Variants in THAP4 observed in about 807,000 individuals in gnomAD.
The protein encoded by THAP4 is peroxynitrite isomerase THAP4.
THAP4 carries 18 observed loss-of-function variants against 48.1 expected under a neutral mutation model. The ratio of observed to expected loss-of-function variants is 0.37; its 90% CI spans 0.26 to 0.56. The LOEUF (loss-of-function observed/expected upper bound fraction) is 0.56. Ranked by LOEUF, THAP4 falls within the 20% of genes least tolerant of loss-of-function variation. The probability of loss-of-function intolerance (pLI) is 0.78; values close to 1 mark genes in which losing one functional copy is unlikely to be tolerated. For missense variants in THAP4, 656 were observed against 774.9 expected (o/e 0.85, Z 1.82); for synonymous variants, 345 against 324.9 (o/e 1.06, Z -0.66).
In THAP4 at chr2:241,633,148, C is replaced by T; in HGVS notation, c.1009G>A (p.Gly337Arg). ...AGTGAGTCGATGAGCTTGCAGGCCCCTGACGCCGACAGGATGACCTCGTTG... is the reference window on the plus strand; with the variant it reads ...AGTGAGTCGATGAGCTTGCAGGCCCTTGACGCCGACAGGATGACCTCGTTG... Reference protein sequence around the residue: ...SINEVILSASGACKLIDSLHS... With the variant: ...SINEVILSASRACKLIDSLHS... Residue 337 changes from glycine to arginine, a missense_variant, in exon 2 of 6, where the codon GGG (glycine) becomes AGG (arginine). By Grantham distance (125) the Gly-to-Arg change is moderately radical. Coordinates refer to ENST00000407315, the MANE Select transcript of THAP4 (RefSeq NM_015963.6). This position sits in a 1 kb window ranked among gnomAD's most constrained non-coding sequence, Gnocchi z 7.5. 1 of 1,610,110 alleles carries T rather than the reference C, an allele frequency of 6.2e-7. No individual in the cohort carries two copies. Among genetic ancestry groups the T allele is most frequent in the Non-Finnish European group, 8.5e-7 (1 of 1,177,582 alleles).
intron 5 of THAP4, among the ~76,000 whole-genome samples, chr2:241,599,795 G>A (rs2067090836): frequency 6.6e-6 from 1 of 152,160 alleles, no homozygotes; most frequent in African/African-American, 2.4e-5. Context: ...AAATGCTTAA[G>A]AATGAGTAAG....
At chr2:241,595,183 T>C (rs1660794083) in intron 5 of THAP4, among the ~76,000 whole-genome samples, 2 of 152,172 alleles carry the variant, frequency 1.3e-5, no homozygotes, top group Admixed American at 6.5e-5. Context: ...TGGCTAATTT[T>C]TTTGTATTCT....
intron 2 of THAP4, among the ~76,000 whole-genome samples, chr2:241,615,630 C>T (rs1363398793): frequency 6.6e-6 from 1 of 152,216 alleles, no homozygotes; most frequent in Non-Finnish European, 1.5e-5. Flanking sequence ...AATTTCTAAA[C>T]ATCTGTTCAA....
At chr2:241,595,304 C>T (rs1280907853) in intron 5 of THAP4, among the ~76,000 whole-genome samples, 4 of 152,264 alleles carry the variant, frequency 2.6e-5, no homozygotes, top group East Asian at 1.9e-4. Context: ...CGTGAGCCAC[C>T]GCACTCAGCC....
chr2:241,634,646 T>G (rs990736176), intron 1 of THAP4, among the ~76,000 whole-genome samples: 1 of 152,190 alleles, frequency 6.6e-6, no homozygotes, highest in African/African-American at 2.4e-5. Flanking sequence ...GGAGTAAAAA[T>G]GCTCCTTTTA....
intron 1 of THAP4, among the ~76,000 whole-genome samples, chr2:241,636,113 T>G (rs1187400891): frequency 6.6e-6 from 1 of 152,210 alleles, no homozygotes; most frequent in Admixed American, 6.5e-5. Flanking sequence ...GGCTGACTTG[T>G]GAAATAATCT....
At chr2:241,632,452 T>A (rs1575040678) in intron 2 of THAP4, among the ~76,000 whole-genome samples, 1 of 152,320 alleles carries the variant, frequency 6.6e-6, no homozygotes, top group East Asian at 1.9e-4. Context: ...ATGTTCATGA[T>A]GATTTAACTT....
intron 1 of THAP4, among the ~76,000 whole-genome samples, chr2:241,636,426 C>T (rs374266678): frequency 1.1e-4 from 16 of 152,306 alleles, no homozygotes; most frequent in Admixed American, 3.3e-4. Context: ...GGGCCAGGCT[C>T]TAAGGGAGCG....
At chr2:241,627,520 T>TGG (rs1295324316) in intron 2 of THAP4, among the ~76,000 whole-genome samples, 1 of 152,212 alleles carries the variant, frequency 6.6e-6, no homozygotes, top group African/African-American at 2.4e-5. Context: ...GCACTGCCTC[T>TGG]GGAGCGTGGC....
At chr2:241,604,980 A>G (rs1025866097) in intron 3 of THAP4, among the ~76,000 whole-genome samples, 1 of 152,216 alleles carries the variant, frequency 6.6e-6, no homozygotes, top group Non-Finnish European at 1.5e-5. Context: ...ACAAACACAC[A>G]TACCATCACA....
chr2:241,635,031 C>T (rs1331987623), intron 1 of THAP4, among the ~76,000 whole-genome samples: 2 of 152,196 alleles, frequency 1.3e-5, no homozygotes, highest in African/African-American at 2.4e-5. Context: ...CCAGAGATTC[C>T]GCTTTACAAA....
At chr2:241,632,414 A>T (rs2067576874) in intron 2 of THAP4, among the ~76,000 whole-genome samples, 1 of 152,038 alleles carries the variant, frequency 6.6e-6, no homozygotes, top group Non-Finnish European at 1.5e-5. Flanking sequence ...CAGATGTTTT[A>T]ATTGAATAGA....
At chr2:241,637,163 G>A (rs2067685643), upstream of THAP4, 2 of 989,092 alleles carry the variant, frequency 2.0e-6, no homozygotes, top group Non-Finnish European at 2.4e-6. Flanking sequence ...CAAGATGGAG[G>A]CGCAGGCGCC....
chr2:241,637,551 G>A (rs945393480), upstream of THAP4: 6 of 1,474,680 alleles, frequency 4.1e-6, no homozygotes, highest in African/African-American at 8.9e-5. Context: ...CGGCCCGGCC[G>A]TACGCCAAAA....
chr2:241,625,154 G>GC (rs1448432157), intron 2 of THAP4, among the ~76,000 whole-genome samples: 1 of 151,996 alleles, frequency 6.6e-6, no homozygotes, highest in Admixed American at 6.6e-5. Flanking sequence ...GTCCAGCAGG[G>GC]CCCTAATACC....
At chr2:241,588,128 A>C (rs989914393) in intron 5 of THAP4, among the ~76,000 whole-genome samples, 1 of 152,218 alleles carries the variant, frequency 6.6e-6, no homozygotes, top group African/African-American at 2.4e-5. Context: ...TACGAGATCA[A>C]TATACAACAG....
In THAP4 at chr2:241,594,082, C is replaced by G. The variant is rs181874116; in HGVS notation, c.1614+7814G>C. Among the ~76,000 whole-genome samples the G allele has an allele frequency of 3.9e-5, 6 of 152,314 alleles. No individual in the cohort carries two copies. The East Asian group carries it at 1.2e-3, about 29-fold the overall frequency. ...ACAGCACATCACCAATGGAATAATTCAGTCATGAAAAGGAGTGAGGCCTGA... is the reference window on the plus strand; with the variant it reads ...ACAGCACATCACCAATGGAATAATTGAGTCATGAAAAGGAGTGAGGCCTGA... On this transcript the variant is annotated intron_variant, in intron 5 of 5. Coordinates refer to ENST00000407315, the MANE Select transcript of THAP4 (RefSeq NM_015963.6).
chr2:241,600,071 C>T (rs965416890), intron 5 of THAP4, among the ~76,000 whole-genome samples: 1 of 152,186 alleles, frequency 6.6e-6, no homozygotes, highest in Admixed American at 6.5e-5. Context: ...TGGCACATGC[C>T]TGTAATCCCA....
chr2:241,617,222 T>C (rs1471806304), intron 2 of THAP4, among the ~76,000 whole-genome samples: 1 of 152,192 alleles, frequency 6.6e-6, no homozygotes, highest in Non-Finnish European at 1.5e-5. Flanking sequence ...AAAAATACTA[T>C]AAAGGACCTA....
Sources: allele counts gnomAD v4.1 joint callset (sites outside exome capture counted in the v4.1 genomes callset), GRCh38; gene constraint gnomAD v4.1.1; non-coding constraint Gnocchi (gnomAD v3.1); transcripts MANE v1.5; gene names NCBI Gene and HGNC (gene_info 2026-07-23, HGNC 2026-07-21).